NKAIN3: variants seen among roughly 807,000 people sequenced by gnomAD.
NKAIN3 encodes the protein sodium/potassium-transporting ATPase subunit beta-1-interacting protein 3.
In NKAIN3, 25 loss-of-function variants were observed where a neutral mutation model predicts 30.2. The ratio of observed to expected loss-of-function variants is 0.83; its 90% CI spans 0.60 to 1.16. NKAIN3 has a LOEUF of 1.16. NKAIN3 is among the 50% of genes most tolerant of loss of function. The pLI, the probability that NKAIN3 is intolerant of heterozygous loss-of-function variation, is 0.00. For missense variants in NKAIN3, 225 were observed against 254.1 expected (o/e 0.89, Z 0.78); for synonymous variants, 91 against 89.6 (o/e 1.02, Z -0.09).
At position 62,953,913 on chromosome 8, in the gene NKAIN3, G is replaced by A; in HGVS notation, c.544G>A (p.Gly182Ser). The A allele has an allele frequency of 1.0e-6, 1 of 974,762 alleles. No homozygotes were observed. Among genetic ancestry groups the A allele is most frequent in the Non-Finnish European group, 1.2e-6 (1 of 819,976 alleles). The allele number at this position is 974,762 out of a possible 1,614,324, so 60.4% of individuals were successfully genotyped here. A position where few individuals can be genotyped will look rare whatever the true frequency, so the allele number is the denominator to read the frequency against. Residue 182 changes from glycine (G) to serine (S), a missense_variant, in exon 6 of 7, where the codon GGT becomes AGT. Gly to Ser is a moderately conservative substitution (Grantham distance 56). Coordinates refer to ENST00000623646, the MANE Select transcript of NKAIN3 (RefSeq NM_001304533.3). The stretch of plus-strand genomic sequence containing the variant: ...TGTTATATTTTCAGTTGATTTCATA[G>A]GTGGACTTGATACACACTCCTACTA... ...MEEEDTFDFI[G>S]GLDTHSYYQD...
intron 4 of NKAIN3, among the ~76,000 whole-genome samples, chr8:62,866,978 G>A (rs564864940): frequency 7.9e-5 from 12 of 150,950 alleles, no homozygotes; most frequent in Non-Finnish European, 7.4e-5. Flanking sequence ...TGGCGTGAAC[G>A]CTGGAGGCAG....
chr8:62,328,206 C>T (rs1815208946), intron 1 of NKAIN3, among the ~76,000 whole-genome samples: 3 of 152,104 alleles, frequency 2.0e-5, no homozygotes, highest in Non-Finnish European at 2.9e-5. Flanking sequence ...GTGCACAAAT[C>T]TATTACTATA....
At chr8:62,715,360 C>T (rs1480600372) in intron 3 of NKAIN3, among the ~76,000 whole-genome samples, 1 of 152,160 alleles carries the variant, frequency 6.6e-6, no homozygotes, top group Non-Finnish European at 1.5e-5. Context: ...CTAGGTTCTT[C>T]CCATGTCTCT....
At chr8:62,585,198 A>T (rs1487437311) in intron 2 of NKAIN3, among the ~76,000 whole-genome samples, 3 of 152,096 alleles carry the variant, frequency 2.0e-5, no homozygotes, top group African/African-American at 7.2e-5. Context: ...CTTACTCCTC[A>T]AGACTTATTT....
chr8:62,863,940 C>G, intron 4 of NKAIN3: 1 of 1,009,958 alleles, frequency 9.9e-7, no homozygotes, highest in Non-Finnish European at 1.6e-6. Context: ...TGGGGTCTGC[C>G]AAAGGTGGCG....
At chr8:62,571,884 G>A (rs760611671) in intron 1 of NKAIN3, among the ~76,000 whole-genome samples, 11 of 152,044 alleles carry the variant, frequency 7.2e-5, no homozygotes, top group African/African-American at 2.4e-4. Flanking sequence ...ACCCTGGGCC[G>A]GCCCACGAAA....
At chr8:62,375,514 C>T (rs1033826420) in intron 1 of NKAIN3, among the ~76,000 whole-genome samples, 1 of 152,100 alleles carries the variant, frequency 6.6e-6, no homozygotes, top group Non-Finnish European at 1.5e-5. Flanking sequence ...TCCATGAGCC[C>T]ACATTTTATA....
intron 3 of NKAIN3, among the ~76,000 whole-genome samples, chr8:62,670,885 A>G (rs879481558): frequency 0.043 from 4,313 of 100,160 alleles, 185 homozygotes; most frequent in African/African-American, 0.18. Context: ...ACAAGCACAC[A>G]CACACACACA....
chr8:62,877,666 A>G (rs1181994845), intron 4 of NKAIN3, among the ~76,000 whole-genome samples: 2 of 152,154 alleles, frequency 1.3e-5, no homozygotes, highest in Non-Finnish European at 2.9e-5. Flanking sequence ...TATTTTCACA[A>G]CACAGTTTCC....
chr8:62,406,264 TTCAATGTCTTAAAA>T (rs1804062000), intron 1 of NKAIN3, among the ~76,000 whole-genome samples: 1 of 152,186 alleles, frequency 6.6e-6, no homozygotes, highest in African/African-American at 2.4e-5. Context: ...TGCTTATGCT[TTCAATGTCTTAAAA>T]TGGAGAAGAC....
intron 3 of NKAIN3, among the ~76,000 whole-genome samples, chr8:62,714,655 GT>G: frequency 6.6e-6 from 1 of 152,166 alleles, no homozygotes; most frequent in Non-Finnish European, 1.5e-5. Flanking sequence ...TACAAGCTAT[GT>G]TTAGGGCACT....
At chr8:62,850,623 A>T (rs1819864169) in intron 4 of NKAIN3, among the ~76,000 whole-genome samples, 1 of 151,936 alleles carries the variant, frequency 6.6e-6, no homozygotes, top group Admixed American at 6.6e-5. Flanking sequence ...ATCTTGAATT[A>T]ATTTTTGTAT....
At chr8:62,757,112 C>T (rs546425694) in intron 4 of NKAIN3, among the ~76,000 whole-genome samples, 14 of 151,988 alleles carry the variant, frequency 9.2e-5, no homozygotes, top group South Asian at 4.1e-4. Flanking sequence ...AATAATTAAT[C>T]GAGCCAACAT....
intron 4 of NKAIN3, among the ~76,000 whole-genome samples, chr8:62,801,768 A>C (rs1287243819): frequency 6.6e-6 from 1 of 152,256 alleles, no homozygotes; most frequent in African/African-American, 2.4e-5. Flanking sequence ...AGCTGGACGG[A>C]GAATGACTTT....
intron 3 of NKAIN3, among the ~76,000 whole-genome samples, chr8:62,719,990 C>T (rs1008482145): frequency 7.2e-5 from 11 of 151,944 alleles, no homozygotes; most frequent in African/African-American, 2.7e-4. Context: ...AACTCCTGGC[C>T]TTGTGATCCG....
chr8:62,957,644 C>A (rs991199575), intron 6 of NKAIN3, among the ~76,000 whole-genome samples: 4 of 152,022 alleles, frequency 2.6e-5, no homozygotes. Context: ...CTATATAATT[C>A]CAATTATATG....
chr8:62,399,020 G>A (rs1432663271), intron 1 of NKAIN3, among the ~76,000 whole-genome samples: 1 of 152,182 alleles, frequency 6.6e-6, no homozygotes, highest in Non-Finnish European at 1.5e-5. Flanking sequence ...GAACCCGGAA[G>A]GCAGAGGTTG....
chr8:62,895,329 G>T (rs1328280089), intron 4 of NKAIN3, among the ~76,000 whole-genome samples: 1 of 152,196 alleles, frequency 6.6e-6, no homozygotes, highest in Non-Finnish European at 1.5e-5. Flanking sequence ...TCCTTCAGCT[G>T]CTCATAATAA....
At chr8:62,455,402 T>A (rs1805783771) in intron 1 of NKAIN3, among the ~76,000 whole-genome samples, 1 of 152,066 alleles carries the variant, frequency 6.6e-6, no homozygotes, top group Non-Finnish European at 1.5e-5. Flanking sequence ...TTACCCTAAG[T>A]GAATTAACGC....
Sources: allele counts gnomAD v4.1 joint callset (sites outside exome capture counted in the v4.1 genomes callset), GRCh38; gene constraint gnomAD v4.1.1; transcripts MANE v1.5; gene names NCBI Gene and HGNC (gene_info 2026-07-23, HGNC 2026-07-21).